Variants in DCLK2 observed in about 807,000 individuals in gnomAD.
The protein encoded by DCLK2 is serine/threonine-protein kinase DCLK2.
DCLK2 carries 31 observed loss-of-function variants against 78.4 expected under a neutral mutation model. The ratio of observed to expected loss-of-function variants is 0.40; its 90% CI spans 0.30 to 0.53. The LOEUF (loss-of-function observed/expected upper bound fraction) is 0.53. Among genes scored for constraint, DCLK2 ranks in the 20% least tolerant of loss-of-function variants. The pLI is 0.61. For missense variants in DCLK2, 872 were observed against 973.7 expected (o/e 0.90, Z 1.39); for synonymous variants, 407 against 374.9 (o/e 1.09, Z -0.99).
chr4:150,230,507 A>G (rs1242011839), intron 8 of DCLK2, among the ~76,000 whole-genome samples: 7 of 152,222 alleles, frequency 4.6e-5, no homozygotes, highest in Non-Finnish European at 7.3e-5. Context: ...ATTTAGCTTT[A>G]AAATAAAAAA....
chr4:150,138,621 A>G (rs1056468744), intron 2 of DCLK2, among the ~76,000 whole-genome samples: 2 of 152,156 alleles, frequency 1.3e-5, no homozygotes, highest in Non-Finnish European at 2.9e-5. Context: ...GTTTATATAG[A>G]CCAGGCCTCA....
intron 2 of DCLK2, among the ~76,000 whole-genome samples, chr4:150,157,809 G>C (rs1271837706): frequency 6.6e-6 from 1 of 152,102 alleles, no homozygotes; most frequent in East Asian, 1.9e-4. Context: ...TACCGCTCCT[G>C]GCAGAGATGG....
intron 8 of DCLK2, among the ~76,000 whole-genome samples, chr4:150,225,990 C>T (rs1351890273): frequency 6.6e-6 from 1 of 152,080 alleles, no homozygotes; most frequent in Non-Finnish European, 1.5e-5. Context: ...AAGAATTCAA[C>T]ACATGTTAAC....
chr4:150,206,764 C>T (rs747551235), intron 5 of DCLK2, among the ~76,000 whole-genome samples: 1 of 152,208 alleles, frequency 6.6e-6, no homozygotes, highest in African/African-American at 2.4e-5. Flanking sequence ...AGGCCACAAT[C>T]CCAAAGCTCT....
At chr4:150,250,478 C>T (rs1743685434) in intron 15 of DCLK2, among the ~76,000 whole-genome samples, 1 of 152,038 alleles carries the variant, frequency 6.6e-6, no homozygotes, top group Admixed American at 6.5e-5. Context: ...AGCCAGCCAG[C>T]CACCCAGGCA....
At chr4:150,121,618 A>G (rs1057174567) in intron 2 of DCLK2, among the ~76,000 whole-genome samples, 13 of 152,276 alleles carry the variant, frequency 8.5e-5, no homozygotes, top group African/African-American at 2.6e-4. Context: ...GTTAATGTTG[A>G]TATGTTGTTG....
At chr4:150,250,917 A>C (rs1161438983) in intron 15 of DCLK2, among the ~76,000 whole-genome samples, 4 of 23,286 alleles carry the variant, frequency 1.7e-4, no homozygotes, top group Non-Finnish European at 2.9e-4. Flanking sequence ...ATCCCCACAC[A>C]CCACAAATCC....
intron 5 of DCLK2, among the ~76,000 whole-genome samples, chr4:150,213,424 C>A (rs1740455483): frequency 6.6e-6 from 1 of 152,130 alleles, no homozygotes; most frequent in Admixed American, 6.5e-5. Flanking sequence ...TTCAAATTAT[C>A]AGAAATCCAA....
At chr4:150,117,893 G>A (rs1023380305) in intron 2 of DCLK2, among the ~76,000 whole-genome samples, 7 of 152,112 alleles carry the variant, frequency 4.6e-5, no homozygotes, top group African/African-American at 7.2e-5. Flanking sequence ...GTCTTTTCAC[G>A]TGGTAGAGGC....
At chr4:150,201,185 A>C (rs896396791) in intron 4 of DCLK2, among the ~76,000 whole-genome samples, 1 of 152,208 alleles carries the variant, frequency 6.6e-6, no homozygotes, top group Non-Finnish European at 1.5e-5. Flanking sequence ...CAAAGAAAAC[A>C]AAAAAGCCCC....
intron 1 of DCLK2, among the ~76,000 whole-genome samples, chr4:150,100,277 C>A (rs971425939): frequency 2.0e-5 from 3 of 152,176 alleles, no homozygotes; most frequent in African/African-American, 7.2e-5. Flanking sequence ...TAAAATTTAT[C>A]TGTAATTGCA....
chr4:150,135,408 C>T (rs72965566), intron 2 of DCLK2, among the ~76,000 whole-genome samples: 12,365 of 152,188 alleles, frequency 0.081, 506 homozygotes, highest in Admixed American at 0.093. Context: ...TGAAGACAAA[C>T]GAGCACTTAA....
chr4:150,230,430 G>A (rs533189235), intron 8 of DCLK2, among the ~76,000 whole-genome samples: 24 of 152,208 alleles, frequency 1.6e-4, no homozygotes, highest in South Asian at 1.0e-3. Context: ...AGGGAGAGGC[G>A]AATATATAGA....
chr4:150,249,566 A>G lies in DCLK2; in HGVS notation c.1957-2A>G. On this transcript the variant is annotated splice_acceptor_variant, in intron 14 of 15. Transcript: ENST00000296550. LOFTEE classifies it high-confidence loss of function. ...TGTATTTGATTGTTTTCTTTCCTGT[A>G]GGATGATGCCTCCCAGGAGAATAAC... is the stretch of plus-strand genomic sequence containing the variant. 5 of 1,611,366 alleles carry G rather than the reference A, an allele frequency of 3.1e-6. No individual in the cohort carries two copies. Among genetic ancestry groups the G allele is most frequent in the Non-Finnish European group, 4.2e-6 (5 of 1,177,814 alleles).
chr4:150,156,733 AG>A (rs1479869499), intron 2 of DCLK2, among the ~76,000 whole-genome samples: 3 of 148,638 alleles, frequency 2.0e-5, no homozygotes, highest in Non-Finnish European at 4.5e-5. Context: ...GGTTTTAGGG[AG>A]TAACTATTTT....
At position 150,257,126 on chromosome 4, in the gene DCLK2, C is replaced by A. The variant is rs1482980187; in HGVS notation, c.*879C>A. On this transcript the variant is annotated 3_prime_UTR_variant, in exon 16 of 16. Transcript: ENST00000296550. ...AGCAGAATGAGCTCTGCTCCTGAGC[C>A]CCGGTAGCTGCTTCCTCATCTGCAT... 1.3e-5 allele frequency: 2 copies of A among 152,468 alleles called. No homozygotes were observed. The highest frequency in any genetic ancestry group is 2.9e-5 in the Non-Finnish European group (2 of 68,082). The allele number at this position is 152,468 out of a possible 1,614,324, so 9.4% of individuals were successfully genotyped here. A position where few individuals can be genotyped will look rare whatever the true frequency, so the allele number is the denominator to read the frequency against.
At chr4:150,121,495 T>C (rs567803638) in intron 2 of DCLK2, among the ~76,000 whole-genome samples, 1 of 152,230 alleles carries the variant, frequency 6.6e-6, no homozygotes, top group African/African-American at 2.4e-5. Context: ...AGGCTCCACT[T>C]CTAATTCTAG....
chr4:150,207,050 T>G (rs1250864409), intron 5 of DCLK2, among the ~76,000 whole-genome samples: 1 of 152,172 alleles, frequency 6.6e-6, no homozygotes, highest in Non-Finnish European at 1.5e-5. Flanking sequence ...TTAAAATAGC[T>G]TATTAAGATC....
intron 6 of DCLK2, among the ~76,000 whole-genome samples, 170 bp downstream of exon 6, chr4:150,220,948 G>A (rs1389896389): frequency 6.6e-6 from 1 of 152,190 alleles, no homozygotes; most frequent in Admixed American, 6.5e-5. Context: ...GTTACTTCAA[G>A]ATAAAGAAAA....
Sources: gnomAD v4.1 joint callset for allele counts (sites outside exome capture counted in the v4.1 genomes callset) on GRCh38, gnomAD v4.1.1 for gene constraint, MANE v1.5 for transcripts, NCBI Gene and HGNC (gene_info 2026-07-23, HGNC 2026-07-21) for gene names.